The following PKD1L3 variants were observed in gnomAD, a reference collection of about 807,000 sequenced individuals.
The protein encoded by PKD1L3 is polycystin-1-like protein 3.
In PKD1L3, 239 loss-of-function variants were observed where a neutral mutation model predicts 184.1. The observed-to-expected ratio is 1.30, with a 90% CI of 1.17 to 1.45. PKD1L3 has a LOEUF of 1.45. PKD1L3 is among the 40% of genes most tolerant of loss of function. PKD1L3 has a pLI of 0.00. For missense variants in PKD1L3, 2,660 were observed against 2,067.2 expected (o/e 1.29, Z -5.56); for synonymous variants, 996 against 778.8 (o/e 1.28, Z -4.64).
chr16:71,960,818 G>C (rs1190184924), intron 16 of PKD1L3, among the ~76,000 whole-genome samples: 3 of 152,292 alleles, frequency 2.0e-5, no homozygotes, highest in East Asian at 3.9e-4. Context: ...AGCTACTCGG[G>C]AAGCTGAGGT....
chr16:71,933,465 T>G lies in PKD1L3; in HGVS notation c.4881A>C (p.Ala1627=). 1 of 1,551,616 alleles carries G rather than the reference T, an allele frequency of 6.4e-7. No individual in the cohort carries two copies. The highest frequency in any genetic ancestry group is 8.7e-7 in the Non-Finnish European group (1 of 1,146,818). ...ISDYRTFFSS[A]VTVVGLLMGI... ...CCATCAGGAGACCAACAACAGTCAC[T>G]GCTGAGCTGAAAAATGTCCGGTAGT... Residue 1627 remains alanine, a synonymous_variant, in exon 28 of 30, where the codon GCA becomes GCC. Transcript: ENST00000620267.
chr16:71,949,418 T>C (rs2038743799), intron 21 of PKD1L3, among the ~76,000 whole-genome samples: 1 of 149,100 alleles, frequency 6.7e-6, no homozygotes, highest in Non-Finnish European at 1.5e-5. Flanking sequence ...AGTGGCGCAA[T>C]CACGGCTTAC....
intron 4 of PKD1L3, 139 bp downstream of exon 4, chr16:71,990,141 T>G (rs1011797725): frequency 4.8e-5 from 29 of 609,398 alleles, no homozygotes; most frequent in Non-Finnish European, 6.9e-5. Flanking sequence ...CCAATTTTTT[T>G]CTTGCACGTA....
chr16:71,965,210 T>TAA (rs2039456083), intron 15 of PKD1L3, among the ~76,000 whole-genome samples: 2 of 152,186 alleles, frequency 1.3e-5, no homozygotes, highest in Admixed American at 1.3e-4. Flanking sequence ...ATCCACGTAG[T>TAA]CATATGTAAC....
intron 12 of PKD1L3, among the ~76,000 whole-genome samples, chr16:71,972,684 A>C (rs76727112): frequency 6.9e-6 from 1 of 145,892 alleles, no homozygotes; most frequent in East Asian, 1.9e-4. Flanking sequence ...ATCCCACCTC[A>C]AAAAAAAAAG....
At position 71,950,254 on chromosome 16, in the gene PKD1L3, G is replaced by C; in HGVS notation, c.3247C>G (p.Leu1083Val). 1 of 1,551,906 alleles carries C rather than the reference G, an allele frequency of 6.4e-7. No homozygotes were observed. Among genetic ancestry groups the C allele is most frequent in the Non-Finnish European group, 8.7e-7 (1 of 1,147,026 alleles). ...CCCAGCGTGCCTAAGTGAGATTTCA[G>C]CCTCTGCAGAACTCTATGCAGGTAA... is the stretch of plus-strand genomic sequence containing the variant. The part of the protein sequence containing the change: ...CCYLHRVLQR[L>V]KSHLGTLGLT... Residue 1083 changes from leucine to valine, a missense_variant, in exon 20 of 30, where the codon CTG becomes GTG. By Grantham distance (32) the Leu-to-Val change is conservative. Coordinates refer to ENST00000620267, the MANE Select transcript of PKD1L3 (RefSeq NM_181536.2).
At chr16:71,932,092 A>G (rs747672062) in intron 28 of PKD1L3, among the ~76,000 whole-genome samples, 2 of 152,158 alleles carry the variant, frequency 1.3e-5, no homozygotes, top group Admixed American at 6.5e-5. Flanking sequence ...TTACCTTTCA[A>G]ATATTTTCAT....
Position 71,965,299 on chromosome 16 carries a change from G to A in PKD1L3, c.2465+1838C>T, listed in dbSNP as rs747250002. 5.9e-5 allele frequency among the ~76,000 whole-genome samples: 9 copies of A among 152,276 alleles called. 1 individual carries two copies. In the South Asian group the frequency reaches 8.3e-4, roughly 14 times the overall value. On this transcript the variant is annotated intron_variant, in intron 15 of 29. Coordinates refer to ENST00000620267, the MANE Select transcript of PKD1L3 (RefSeq NM_181536.2). ...GTTTATTCATTCAATAGACATTTGT[G>A]ATGTTTTCTGTTTTGGGCTACTAAT... is the stretch of plus-strand genomic sequence containing the variant.
At chr16:71,987,616 T>G (rs943801351) in intron 4 of PKD1L3, among the ~76,000 whole-genome samples, 5 of 150,244 alleles carry the variant, frequency 3.3e-5, no homozygotes, top group African/African-American at 1.2e-4. Flanking sequence ...CCTCAAGTGA[T>G]CCGCCACCTC....
intron 2 of PKD1L3, among the ~76,000 whole-genome samples, 180 bp from the exon 3 acceptor site, chr16:71,993,512 T>C (rs1036301495): frequency 1.3e-5 from 2 of 152,216 alleles, no homozygotes; most frequent in African/African-American, 4.8e-5. Context: ...CACATTATGG[T>C]GTCCCACATT....
intron 14 of PKD1L3, 125 bp from the exon 15 acceptor site, chr16:71,967,440 CAT>C (rs1293856935): frequency 2.1e-6 from 2 of 969,492 alleles, no homozygotes; most frequent in Non-Finnish European, 3.0e-6. Flanking sequence ...CTTAGACAAG[CAT>C]AGATAATTCT....
At chr16:71,991,814 A>C (rs138792197) in intron 3 of PKD1L3, among the ~76,000 whole-genome samples, 3,142 of 152,318 alleles carry the variant, frequency 0.021, 34 homozygotes, top group Non-Finnish European at 0.031. Flanking sequence ...AAAATTTCTG[A>C]ATTACAAAAA....
chr16:71,984,550 T>C (rs1208436136), intron 5 of PKD1L3, among the ~76,000 whole-genome samples: 2 of 152,172 alleles, frequency 1.3e-5, no homozygotes, highest in African/African-American at 4.8e-5. Context: ...GTGTGTGTGT[T>C]TCCCTCCATT....
Position 71,952,949 on chromosome 16 carries a change from G to T in PKD1L3, c.2954C>A (p.Ala985Asp). The T allele has an allele frequency of 4.5e-6, 7 of 1,551,164 alleles. No individual in the cohort carries two copies. Among genetic ancestry groups the T allele is most frequent in the Non-Finnish European group, 6.1e-6 (7 of 1,146,856 alleles). ...AACAGAAGCATCTGAGAGGCAGGAG[G>T]CCTGGATGGGAGGAAAGAGGGGCAG... Reference protein sequence around the residue: ...ETLPLFPPIQASCLSDASVEP... With the variant: ...ETLPLFPPIQDSCLSDASVEP... The change falls in exon 18 of 30, where the codon GCC becomes GAC. Residue 985 changes from alanine (A) to aspartate (D), a missense_variant. Physicochemically the swap from Ala to Asp is moderately radical, Grantham distance 126. Transcript: ENST00000620267.
intron 22 of PKD1L3, among the ~76,000 whole-genome samples, chr16:71,944,955 C>G (rs2038509539): frequency 1.3e-5 from 2 of 150,152 alleles, no homozygotes; most frequent in Admixed American, 6.6e-5. Flanking sequence ...GAGACCCTGT[C>G]TCTTAAAAAA....
Position 71,986,209 on chromosome 16 carries a change from T to C in PKD1L3, c.834+12A>G. 1.3e-6 allele frequency: 2 copies of C among 1,550,760 alleles called. No homozygotes were observed. The highest frequency in any genetic ancestry group is 1.7e-6 in the Non-Finnish European group (2 of 1,145,736). ...CACAAAGCTACCTGTGACTTGAATT[T>C]CCCATGTTTACCTGACCAGATGCCT... On this transcript the variant is annotated intron_variant, in intron 5 of 29. Coordinates refer to ENST00000620267, the MANE Select transcript of PKD1L3 (RefSeq NM_181536.2).
rs1318956292 is a variant in PKD1L3, at chr16:71,943,006, G to A, written c.3878C>T (p.Thr1293Ile). ...GDILVQILFL[T>I]LLMTAIYSAK... is the part of the protein sequence containing the mutation. ...AGAGTAGATTGCAGTCATCAACAGGGTAAGGAAGAGGATTTGTACTTGTTT... is the reference window on the plus strand; with the variant it reads ...AGAGTAGATTGCAGTCATCAACAGGATAAGGAAGAGGATTTGTACTTGTTT... The change falls in exon 24 of 30, where the codon ACC becomes ATC. Residue 1293 changes from threonine (T) to isoleucine (I), a missense_variant. Physicochemically the swap from Thr to Ile is moderately conservative, Grantham distance 89 (BLOSUM62 -1). Coordinates refer to ENST00000620267, the MANE Select transcript of PKD1L3 (RefSeq NM_181536.2). 3.2e-6 allele frequency: 5 copies of A among 1,550,082 alleles called. No individual in the cohort carries two copies. The African/African-American group carries it at 4.1e-5, about 13-fold the overall frequency.
chr16:71,941,010 A>G (rs2038341275), intron 24 of PKD1L3, among the ~76,000 whole-genome samples: 1 of 151,554 alleles, frequency 6.6e-6, no homozygotes, highest in South Asian at 2.1e-4. Context: ...TAATTTTTGT[A>G]TTTTTGGTAG....
chr16:71,938,728 T>C (rs1385635971), intron 24 of PKD1L3, among the ~76,000 whole-genome samples: 1 of 152,182 alleles, frequency 6.6e-6, no homozygotes, highest in Non-Finnish European at 1.5e-5. Context: ...CAGATCTCTC[T>C]GCTGAGGGCT....
Sources: gnomAD v4.1 joint callset for allele counts (sites outside exome capture counted in the v4.1 genomes callset) on GRCh38, gnomAD v4.1.1 for gene constraint, MANE v1.5 for transcripts, NCBI Gene and HGNC (gene_info 2026-07-23, HGNC 2026-07-21) for gene names.